Variants in PHF3 observed in about 807,000 individuals in gnomAD.
The protein encoded by PHF3 is PHD finger protein 3.
A neutral mutation model predicts 178.4 loss-of-function variants in PHF3; 41 were observed. The ratio of observed to expected loss-of-function variants is 0.23; its 90% CI spans 0.18 to 0.30. The LOEUF (loss-of-function observed/expected upper bound fraction) is 0.30, where lower values mean the gene tolerates loss of function less well. Ranked by LOEUF, PHF3 falls within the 10% of genes least tolerant of loss-of-function variation. The probability of loss-of-function intolerance (pLI) is 1.00; values close to 1 mark genes in which losing one functional copy is unlikely to be tolerated. For synonymous variants in PHF3, 842 were observed against 800.5 expected, an observed-to-expected ratio of 1.05 and a Z score of -0.88; for missense variants, 2,346 against 2,398.1, an observed-to-expected ratio of 0.98 and a Z score of 0.45.
chr6:63,720,525 A>G lies in PHF3; in HGVS notation c.*6817A>G, dbSNP rs1768331164. ...GTAAACAGTTGATTCCCCGTAAGCA[A>G]TGTATCAAAGAAATAACTATCAAAA... On this transcript the variant is annotated 3_prime_UTR_variant, in exon 16 of 16. Transcript: ENST00000262043. 1.8e-6 allele frequency: 2 copies of G among 1,106,550 alleles called. No homozygotes were observed. The highest frequency in any genetic ancestry group is 1.6e-5 in the African/African-American group (1 of 62,852). 68.5% of individuals were successfully genotyped at this position (1,106,550 alleles called of 1,614,324 possible). A position where few individuals can be genotyped will look rare whatever the true frequency, so the allele number is the denominator to read the frequency against.
Position 63,635,974 on chromosome 6 carries a change from C to A in PHF3, c.-202C>A. On this transcript the variant is annotated 5_prime_UTR_variant, in exon 1 of 16. Transcript: ENST00000262043. ...GCGGCGCGGAAGCCAAGAATAGTGT[C>A]GTCAGCAGCAGCCATTTGGTCCCAG... 1 of 398,026 alleles carries A rather than the reference C, an allele frequency of 2.5e-6. No individual in the cohort carries two copies. Among genetic ancestry groups the A allele is most frequent in the South Asian group, 1.3e-4 (1 of 7,806 alleles). The allele number at this position is 398,026 out of a possible 1,614,324, so 24.7% of individuals were successfully genotyped here.
intron 13 of PHF3, among the ~76,000 whole-genome samples, chr6:63,708,574 C>T (rs1010033805): frequency 3.9e-5 from 6 of 151,966 alleles, no homozygotes; most frequent in African/African-American, 1.4e-4. Context: ...CCTCAGTCTT[C>T]GTGGAAAAAA....
chr6:63,701,491 T>C (rs953403060), intron 9 of PHF3, among the ~76,000 whole-genome samples: 1 of 152,226 alleles, frequency 6.6e-6, no homozygotes, highest in Non-Finnish European at 1.5e-5. Context: ...TATCCAATTT[T>C]TGTATTACAA....
rs1303374720 is a variant in PHF3, at chr6:63,715,012, AAAAG to A, written c.*1310_*1313del. 2.6e-5 allele frequency: 4 copies of A among 152,162 alleles called. No individual in the cohort carries two copies. Among genetic ancestry groups the A allele is most frequent in the East Asian group, 1.9e-4 (1 of 5,202 alleles). 9.4% of individuals were successfully genotyped at this position (152,162 alleles called of 1,614,324 possible). ...ACAAAAGAAAAACCTTCCAAAATAC[AAAAG>A]AAAGAGAACTCTATTATTTACTTAC... On this transcript the variant is annotated 3_prime_UTR_variant, in exon 16 of 16. Transcript: ENST00000262043.
rs377754495 is a variant in PHF3 at position 63,713,725 on chromosome 6, C to T, written c.*17C>T. On this transcript the variant is annotated 3_prime_UTR_variant, in exon 16 of 16. Transcript: ENST00000262043. ...AAAAGGTAAAATTTGCAGGCTGCTT[C>T]AGGATTACATTTAAATAACTGTTAA... The T allele has an allele frequency of 1.6e-5, 24 of 1,522,308 alleles. No homozygotes were observed. Among genetic ancestry groups the T allele is most frequent in the Non-Finnish European group, 2.1e-5 (24 of 1,138,022 alleles). 94.3% of individuals were successfully genotyped at this position (1,522,308 alleles called of 1,614,324 possible).
intron 9 of PHF3, 78 bp downstream of exon 9, chr6:63,700,544 A>G: frequency 1.3e-6 from 1 of 760,916 alleles, no homozygotes; most frequent in Non-Finnish European, 2.3e-6. Context: ...ATACAGAGGT[A>G]AATTCAACAC....
In PHF3 at chr6:63,712,968, A is replaced by C. The variant is rs199785033; in HGVS notation, c.5380A>C (p.Asn1794His). ...AAGCACCAGCCCCAGAACAAGTACAAACTTTTCACCCATGAGGCCACAGCA... is the reference window on the plus strand; with the variant it reads ...AAGCACCAGCCCCAGAACAAGTACACACTTTTCACCCATGAGGCCACAGCA... Reference protein sequence around the residue: ...SRSTSPRTSTNFSPMRPQQPN... With the variant: ...SRSTSPRTSTHFSPMRPQQPN... Residue 1794 changes from asparagine to histidine, a missense_variant, in exon 16 of 16, where the codon AAC (asparagine) becomes CAC (histidine). Physicochemically the swap from Asn to His is moderately conservative, Grantham distance 68 (BLOSUM62 1). Around this residue, in one of 8 missense-constraint regions of PHF3, gnomAD observed 839 missense variants for 806.9 expected, o/e 1.04. Transcript: ENST00000262043. The C allele has an allele frequency of 3.7e-6, 6 of 1,614,016 alleles. No homozygotes were observed. The highest frequency in any genetic ancestry group is 5.1e-6 in the Non-Finnish European group (6 of 1,179,970).
rs1561987171 is a variant in PHF3, at chr6:63,713,012, C to G, written c.5424C>G (p.Leu1808=). Residue 1808 remains leucine (L), a synonymous_variant, in exon 16 of 16, where the codon CTC becomes CTG. Transcript: ENST00000262043. The stretch of plus-strand genomic sequence containing the variant: ...CACAGCAGCCCAACCTTCAGCATCT[C>G]AAGTCTAGCCCACCTGGATTTCCAT... The part of the protein sequence containing the change: ...MRPQQPNLQH[L]KSSPPGFPFP... The G allele has an allele frequency of 6.2e-7, 1 of 1,614,052 alleles. No homozygotes were observed. Among genetic ancestry groups the G allele is most frequent in the Non-Finnish European group, 8.5e-7 (1 of 1,179,976 alleles).
At chr6:63,705,561 A>G (rs1331421206) in intron 11 of PHF3, among the ~76,000 whole-genome samples, 7 of 152,158 alleles carry the variant, frequency 4.6e-5, no homozygotes, top group Admixed American at 3.9e-4. Context: ...CTGAGGTGTA[A>G]TGGTTTCATC....
chr6:63,665,614 C>A (rs1765652967), intron 2 of PHF3, among the ~76,000 whole-genome samples: 1 of 150,510 alleles, frequency 6.6e-6, no homozygotes, highest in African/African-American at 2.4e-5. Context: ...GCCACCCAAG[C>A]AGCTGGGATT....
chr6:63,638,440 A>G (rs1764439604), intron 1 of PHF3, among the ~76,000 whole-genome samples: 1 of 152,002 alleles, frequency 6.6e-6, no homozygotes, highest in African/African-American at 2.4e-5. Flanking sequence ...TTTTTGATAC[A>G]TTTTGCCTTC....
At position 63,718,296 on chromosome 6, in the gene PHF3, A is replaced by G. The variant is rs974769980; in HGVS notation, c.*4588A>G. ...TATAAAATCTGAACGTAAAATTGCA[A>G]CTGTGAAAAGCTTTAAGGCAGCAAT... On this transcript the variant is annotated 3_prime_UTR_variant, in exon 16 of 16. Coordinates refer to ENST00000262043, the MANE Select transcript of PHF3 (RefSeq NM_001370348.2). 2.0e-5 allele frequency among the ~76,000 whole-genome samples: 3 copies of G among 152,136 alleles called. No homozygotes were observed. The highest frequency in any genetic ancestry group is 2.1e-4 in the South Asian group (1 of 4,828).
rs557293812 is a variant in PHF3 at position 63,642,804 on chromosome 6, A to C, written c.-25-3723A>C. Among the ~76,000 whole-genome samples the C allele has an allele frequency of 1.3e-3, 205 of 152,308 alleles. 2 individuals carry two copies. In the South Asian group the frequency reaches 0.023, roughly 17 times the overall value. ...AACAGGAATTTGTTTAAATTAGACA[A>C]TTTGTTTAATTAACAAAGATACTAA... On this transcript the variant is annotated intron_variant, in intron 1 of 15. Coordinates refer to ENST00000262043, the MANE Select transcript of PHF3 (RefSeq NM_001370348.2).
intron 2 of PHF3, among the ~76,000 whole-genome samples, chr6:63,655,278 T>C (rs1765187742): frequency 6.6e-6 from 1 of 152,104 alleles, no homozygotes; most frequent in Non-Finnish European, 1.5e-5. Flanking sequence ...GGTTTCTCCA[T>C]GTTGATCAGG....
chr6:63,647,598 T>C (rs576861847), intron 2 of PHF3, among the ~76,000 whole-genome samples: 2 of 152,352 alleles, frequency 1.3e-5, no homozygotes, highest in South Asian at 2.1e-4. Context: ...AAATTACATA[T>C]GTGTCTTATA....
intron 8 of PHF3, among the ~76,000 whole-genome samples, chr6:63,699,226 A>G (rs1767367396): frequency 1.3e-5 from 2 of 152,190 alleles, no homozygotes; most frequent in South Asian, 4.1e-4. Context: ...CACCAAAAGT[A>G]GGTCTCTGAT....
chr6:63,721,224 C>G lies in PHF3; in HGVS notation c.*7516C>G. ...CACCCAACCCAAAGTACACAGGCAA[C>G]TGTAAGAAAATGATTGGTCAGGTAT... On this transcript the variant is annotated 3_prime_UTR_variant, in exon 16 of 16. Coordinates refer to ENST00000262043, the MANE Select transcript of PHF3 (RefSeq NM_001370348.2). The G allele has an allele frequency of 6.4e-7, 1 of 1,551,736 alleles. No individual in the cohort carries two copies.
At chr6:63,701,547 G>C (rs949252674) in intron 9 of PHF3, among the ~76,000 whole-genome samples, 1 of 152,114 alleles carries the variant, frequency 6.6e-6, no homozygotes, top group Non-Finnish European at 1.5e-5. Context: ...ACTGGTTGTA[G>C]TTCATATTAA....
At chr6:63,701,121 T>C (rs976022722) in intron 9 of PHF3, among the ~76,000 whole-genome samples, 1 of 152,210 alleles carries the variant, frequency 6.6e-6, no homozygotes, top group East Asian at 1.9e-4. Context: ...GCCAGATGAA[T>C]TAAGTCAGAA....
Sources: gnomAD v4.1 joint callset for allele counts (sites outside exome capture counted in the v4.1 genomes callset) on GRCh38, gnomAD v4.1.1 for gene constraint, gnomAD v4.1.1 regional missense constraint, MANE v1.5 for transcripts, NCBI Gene and HGNC (gene_info 2026-07-23, HGNC 2026-07-21) for gene names.